The following DCAF6 variants were observed in gnomAD, a reference collection of about 807,000 sequenced individuals.
The protein encoded by DCAF6 is DDB1 and CUL4 associated factor 6, also known as DDB1- and CUL4-associated factor 6.
DCAF6 carries 54 observed loss-of-function variants against 125.1 expected under a neutral mutation model. That is an observed-to-expected ratio of 0.43 (90% CI 0.35 to 0.54). The LOEUF (loss-of-function observed/expected upper bound fraction) is 0.54, where lower values mean the gene tolerates loss of function less well. Among genes scored for constraint, DCAF6 ranks in the 20% least tolerant of loss-of-function variants. DCAF6 has a pLI of 0.01. For missense variants in DCAF6, 934 were observed against 1,161.7 expected (o/e 0.80, Z 2.85); for synonymous variants, 371 against 390.4 (o/e 0.95, Z 0.58).
At chr1:168,067,098 T>G (rs1433554451) in intron 20 of DCAF6, among the ~76,000 whole-genome samples, 4 of 152,170 alleles carry the variant, frequency 2.6e-5, no homozygotes, top group Non-Finnish European at 5.9e-5. Flanking sequence ...ACCAGGGTTT[T>G]TATTTGTGGG....
intron 11 of DCAF6, among the ~76,000 whole-genome samples, chr1:168,020,527 T>TA (rs1196750247): frequency 6.6e-6 from 1 of 152,024 alleles, no homozygotes; most frequent in South Asian, 2.1e-4. Context: ...ATCTTTACCT[T>TA]AAAAAAAAGT....
chr1:167,976,740 A>G (rs1460943811), intron 4 of DCAF6, among the ~76,000 whole-genome samples: 1 of 151,978 alleles, frequency 6.6e-6, no homozygotes, highest in African/African-American at 2.4e-5. Flanking sequence ...GTTTTCTCTC[A>G]TGAATTAGAT....
intron 4 of DCAF6, among the ~76,000 whole-genome samples, chr1:167,983,673 A>G (rs1424501936): frequency 6.6e-6 from 1 of 152,190 alleles, no homozygotes; most frequent in African/African-American, 2.4e-5. Context: ...CATAATTTCT[A>G]AATTCCCAGA....
chr1:168,047,490 G>A (rs557231051), intron 16 of DCAF6, among the ~76,000 whole-genome samples: 44 of 152,074 alleles, frequency 2.9e-4, no homozygotes, highest in African/African-American at 1.0e-3. Context: ...TTAATATTCT[G>A]TACACTCATT....
At chr1:167,932,585 G>C (rs1163309186), upstream of DCAF6, among the ~76,000 whole-genome samples, 1 of 152,042 alleles carries the variant, frequency 6.6e-6, no homozygotes, top group Non-Finnish European at 1.5e-5. Context: ...AAGGCAGGTG[G>C]ATCACCTGAG....
At chr1:167,937,702 A>G (rs1671530242) in intron 1 of DCAF6, among the ~76,000 whole-genome samples, 1 of 152,088 alleles carries the variant, frequency 6.6e-6, no homozygotes, top group African/African-American at 2.4e-5. Flanking sequence ...AACAACCTTC[A>G]GTACTTGGGG....
the DCAF6 span, among the ~76,000 whole-genome samples, chr1:167,867,973 A>G: frequency 6.6e-6 from 1 of 152,152 alleles, no homozygotes; most frequent in African/African-American, 2.4e-5. Flanking sequence ...GAAATTAGTA[A>G]TTACAAATCC....
the DCAF6 span, chr1:167,880,564 G>A: frequency 6.2e-7 from 1 of 1,614,076 alleles, no homozygotes; most frequent in Admixed American, 1.7e-5. Context: ...AGCTCGTCAG[G>A]TACCTTTTCC....
chr1:168,009,597 T>G (rs1483270844), intron 10 of DCAF6, among the ~76,000 whole-genome samples: 1 of 151,590 alleles, frequency 6.6e-6, no homozygotes, highest in African/African-American at 2.4e-5. Flanking sequence ...GTCTTTTCTT[T>G]TCTTTCCCTC....
In DCAF6 at chr1:167,958,085, C is replaced by T. The variant is rs115751470; in HGVS notation, c.159+6224C>T. Reference sequence around the variant, plus strand: ...TGATTTGCAAATATTTCCCTTCATTCTATGGGTTGTCTTTTTGCCTTCCTC... The same window carrying T: ...TGATTTGCAAATATTTCCCTTCATTTTATGGGTTGTCTTTTTGCCTTCCTC... On this transcript the variant is annotated intron_variant, in intron 2 of 21. Coordinates refer to ENST00000367840, the MANE Select transcript of DCAF6 (RefSeq NM_001198956.2). Among the ~76,000 whole-genome samples the T allele has an allele frequency of 4.8e-3, 725 of 152,214 alleles. 9 individuals carry two copies. The highest frequency in any genetic ancestry group is 0.017 in the African/African-American group (688 of 41,560).
chr1:168,012,182 A>G (rs1409359492), intron 10 of DCAF6, among the ~76,000 whole-genome samples: 1 of 152,172 alleles, frequency 6.6e-6, no homozygotes, highest in Non-Finnish European at 1.5e-5. Flanking sequence ...AGTGCCACCA[A>G]ATTAGATATA....
chr1:167,871,998 GTACCC>G, the DCAF6 span, among the ~76,000 whole-genome samples: 1 of 152,098 alleles, frequency 6.6e-6, no homozygotes, highest in African/African-American at 2.4e-5. Context: ...TGTGCATTGT[GTACCC>G]TAGAACTTAA....
the DCAF6 span, chr1:167,899,631 G>A: frequency 6.2e-7 from 1 of 1,613,538 alleles, no homozygotes; most frequent in Admixed American, 1.7e-5. Context: ...AGCCAGTCCT[G>A]GCAAGAAGGC....
At chr1:168,029,821 A>T (rs980794649) in intron 12 of DCAF6, among the ~76,000 whole-genome samples, 3 of 151,940 alleles carry the variant, frequency 2.0e-5, no homozygotes, top group Non-Finnish European at 2.9e-5. Context: ...TCTATGAAAA[A>T]CACAAAAAAT....
upstream of DCAF6, among the ~76,000 whole-genome samples, chr1:167,933,964 C>T (rs991678556): frequency 1.3e-5 from 2 of 152,264 alleles, no homozygotes; most frequent in African/African-American, 4.8e-5. Context: ...TACAATTACT[C>T]CCATTTTATA....
chr1:168,047,288 C>T lies in DCAF6; in HGVS notation c.2258+2061C>T, dbSNP rs188828693. 3.3e-5 allele frequency among the ~76,000 whole-genome samples: 5 copies of T among 151,876 alleles called. No individual in the cohort carries two copies. In the East Asian group the frequency reaches 9.7e-4, roughly 29 times the overall value. ...GTTGGTTCCCAATAGCCTCATTGAC[C>T]CAAGGAAACCCAGATGCTGAACTAG... On this transcript the variant is annotated intron_variant, in intron 16 of 21. Transcript: ENST00000367840.
chr1:168,075,513 T>G lies in DCAF6; in HGVS notation c.*78T>G. ...ATTATATTTTTTTCTTTACAGAGCT[T>G]TAGTGCAATTTTAAGGTTATGGTTT... On this transcript the variant is annotated 3_prime_UTR_variant, in exon 22 of 22. Transcript: ENST00000367840. 1 of 1,268,746 alleles carries G rather than the reference T, an allele frequency of 7.9e-7. No individual in the cohort carries two copies. Among genetic ancestry groups the G allele is most frequent in the Non-Finnish European group, 1.1e-6 (1 of 929,986 alleles). 78.6% of individuals were successfully genotyped at this position (1,268,746 alleles called of 1,614,324 possible). A position where few individuals can be genotyped will look rare whatever the true frequency, so the allele number is the denominator to read the frequency against.
In DCAF6 at chr1:167,936,890, C is replaced by T. The variant is rs1372329096; in HGVS notation, c.-22C>T. The T allele has an allele frequency of 3.8e-6, 6 of 1,564,034 alleles. No homozygotes were observed. In the African/African-American group the frequency reaches 4.0e-5, roughly 11 times the overall value. On this transcript the variant is annotated 5_prime_UTR_variant, in exon 1 of 22. Transcript: ENST00000367840. The stretch of plus-strand genomic sequence containing the variant: ...CCTCCCCCACGCGGTGGTCTCCCCT[C>T]CCACCCGGCTCAGGCAGAGCCATGT...
chr1:167,993,725 G>A (rs1056676986), intron 7 of DCAF6, among the ~76,000 whole-genome samples: 32 of 151,732 alleles, frequency 2.1e-4, no homozygotes, highest in African/African-American at 7.0e-4. Flanking sequence ...CTCCAGCCTG[G>A]GCAACAAAAG....
Sources: gnomAD v4.1 joint callset for allele counts (sites outside exome capture counted in the v4.1 genomes callset) on GRCh38, gnomAD v4.1.1 for gene constraint, MANE v1.5 for transcripts, NCBI Gene and HGNC (gene_info 2026-07-23, HGNC 2026-07-21) for gene names.